The following ZNF492 variants were observed in gnomAD, a reference collection of about 807,000 sequenced individuals.
ZNF492 encodes zinc finger protein 492.
ZNF492 carries 3 observed loss-of-function variants against 6.4 expected under a neutral mutation model. The observed-to-expected ratio is 0.47, with a 90% CI of 0.21 to 1.22. The LOEUF (loss-of-function observed/expected upper bound fraction) is 1.22, where lower values mean the gene tolerates loss of function less well. Ranked by LOEUF, ZNF492 falls within the 50% of genes most tolerant of loss-of-function variation. The pLI, the probability that ZNF492 is intolerant of heterozygous loss-of-function variation, is 0.22. For synonymous variants in ZNF492, 112 were observed against 205.3 expected, an observed-to-expected ratio of 0.55 and a Z score of 3.89; for missense variants, 356 against 612.5, an observed-to-expected ratio of 0.58 and a Z score of 4.42.
intron 3 of ZNF492, among the ~76,000 whole-genome samples, chr19:22,661,427 G>C (rs1347079356): frequency 6.6e-6 from 1 of 151,776 alleles, no homozygotes; most frequent in Admixed American, 6.6e-5. Context: ...ATGAGATTTG[G>C]ACATCAAAAA....
intron 3 of ZNF492, among the ~76,000 whole-genome samples, chr19:22,657,674 A>G (rs2145258175): frequency 6.6e-6 from 1 of 152,116 alleles, no homozygotes; most frequent in East Asian, 1.9e-4. Flanking sequence ...GTTTCATATT[A>G]ACGCATTTTT....
rs548039023 is a variant in ZNF492, at chr19:22,663,839, A to T, written c.170A>T (p.Gln57Leu). 2 of 1,551,522 alleles carry T rather than the reference A, an allele frequency of 1.3e-6. No homozygotes were observed. Among genetic ancestry groups the T allele is most frequent in the African/African-American group, 2.8e-5 (2 of 71,658 alleles). The stretch of plus-strand genomic sequence containing the variant: ...TTTGCCCGAGACCTTTGGCCAAAGC[A>T]GGGCAAAAAAAATTATTTCCAAAAA... ...SYFARDLWPK[Q>L]GKKNYFQKVI... The change falls in exon 4 of 4, where the codon CAG becomes CTG. Residue 57 changes from glutamine to leucine, a missense_variant. Gln to Leu is a moderately radical substitution (Grantham distance 113). This residue lies in a region of ZNF492 where 196 missense variants were observed against 219.4 expected (regional missense o/e 0.89). Transcript: ENST00000456783.
chr19:22,643,142 C>T (rs1364548886), intron 1 of ZNF492, among the ~76,000 whole-genome samples: 4 of 152,022 alleles, frequency 2.6e-5, no homozygotes, highest in Non-Finnish European at 4.4e-5. Flanking sequence ...GGCATGGTGG[C>T]GCATGCCTGT....
At chr19:22,636,980 G>A (rs1379585328) in intron 1 of ZNF492, among the ~76,000 whole-genome samples, 3 of 130,434 alleles carry the variant, frequency 2.3e-5, no homozygotes, top group Admixed American at 8.1e-5. Flanking sequence ...TTTTTGAGAC[G>A]GAGTCTAGCT....
Position 22,651,067 on chromosome 19 carries a change from A to G in ZNF492, c.-93-2240A>G, listed in dbSNP as rs572265397. 4.6e-5 allele frequency among the ~76,000 whole-genome samples: 7 copies of G among 152,244 alleles called. No individual in the cohort carries two copies. In the East Asian group the frequency reaches 9.7e-4, roughly 21 times the overall value. On this transcript the variant is annotated intron_variant, in intron 1 of 3. Coordinates refer to ENST00000456783, the MANE Select transcript of ZNF492 (RefSeq NM_020855.3). ...GTTCACGAGTGAAATCTTTCAGTCT[A>G]TGGGTTGCACAATTCCATGGAAAAG...
Position 22,664,831 on chromosome 19 carries a change from A to T in ZNF492, c.1162A>T (p.Thr388Ser), listed in dbSNP as rs373819938. Residue 388 changes from threonine (T) to serine (S), a missense_variant, in exon 4 of 4, where the codon ACT (threonine) becomes TCT (serine). Thr to Ser is a moderately conservative substitution (Grantham distance 58). This residue lies in a region of ZNF492 where 21 missense variants were observed against 55.3 expected (regional missense o/e 0.38). Transcript: ENST00000456783. The stretch of plus-strand genomic sequence containing the variant: ...CCTTACTACACATAAGAGAATTCAT[A>T]CTGGAGAGAAGCCCTACAAATGTGA... ...SHLTTHKRIH[T>S]GEKPYKCEEC... 2.1e-5 allele frequency: 34 copies of T among 1,608,574 alleles called. No homozygotes were observed. Among genetic ancestry groups the T allele is most frequent in the East Asian group, 1.1e-4 (5 of 44,670 alleles).
In ZNF492 at chr19:22,653,268, C is replaced by T. The variant is rs1971960022; in HGVS notation, c.-93-39C>T. ...TCAAATTAAAAATTCTGTTCATGGC[C>T]ACTTGGTAAATATGTATGTGTGTTT... On this transcript the variant is annotated intron_variant, in intron 1 of 3. Transcript: ENST00000456783. 9 of 1,598,720 alleles carry T rather than the reference C, an allele frequency of 5.6e-6. No individual in the cohort carries two copies. In the South Asian group the frequency reaches 1.0e-4, roughly 18 times the overall value.
chr19:22,659,826 C>T lies in ZNF492; in HGVS notation c.131-3974C>T, dbSNP rs545390402. On this transcript the variant is annotated intron_variant, in intron 3 of 3. Coordinates refer to ENST00000456783, the MANE Select transcript of ZNF492 (RefSeq NM_020855.3). ...GATTACAGGTGCCCACCACCATGCCCGGCTAATTTTTGTATTTTTAGTAGA... is the reference window on the plus strand; with the variant it reads ...GATTACAGGTGCCCACCACCATGCCTGGCTAATTTTTGTATTTTTAGTAGA... Among the ~76,000 whole-genome samples, 8 of 151,748 alleles carry T rather than the reference C, an allele frequency of 5.3e-5. No homozygotes were observed. The South Asian group carries it at 1.0e-3, about 20-fold the overall frequency.
intron 1 of ZNF492, among the ~76,000 whole-genome samples, chr19:22,647,553 C>T (rs1292024391): frequency 3.3e-5 from 5 of 151,488 alleles, no homozygotes; most frequent in Non-Finnish European, 4.4e-5. Flanking sequence ...GGTGAGCCAC[C>T]ACGCCTGGCC....
rs1220084762 is a variant in ZNF492 at position 22,652,224 on chromosome 19, T to TC, written c.-93-1083_-93-1082insC. Among the ~76,000 whole-genome samples, 421 of 117,204 alleles carry TC rather than the reference T, an allele frequency of 3.6e-3. 37 individuals carry two copies. Among genetic ancestry groups the TC allele is most frequent in the African/African-American group, 0.012 (223 of 18,580 alleles). 76.9% of individuals were successfully genotyped at this position (117,204 alleles called of 152,430 possible). A position where few individuals can be genotyped will look rare whatever the true frequency, so the allele number is the denominator to read the frequency against. On this transcript the variant is annotated intron_variant, in intron 1 of 3. Transcript: ENST00000456783. ...CTGGCAGCTGACCTTTCTTAGGCTT[T>TC]TTTTTTTTTTTTTTGAGACGGAGTC...
rs1599405102 is a variant in ZNF492 at position 22,665,603 on chromosome 19, C to T, written c.*338C>T. On this transcript the variant is annotated 3_prime_UTR_variant, in exon 4 of 4. Coordinates refer to ENST00000456783, the MANE Select transcript of ZNF492 (RefSeq NM_020855.3). ...TGAAGACAAACATTACAAATATAAA[C>T]GAAGTTGTGGTAACTTTACTTGTAA... 1.6e-5 allele frequency: 4 copies of T among 245,740 alleles called. No homozygotes were observed. The highest frequency in any genetic ancestry group is 1.5e-4 in the Admixed American group (3 of 19,696). 15.2% of individuals were successfully genotyped at this position (245,740 alleles called of 1,614,324 possible).
chr19:22,645,278 C>T (rs549530272), intron 1 of ZNF492, among the ~76,000 whole-genome samples: 226 of 152,272 alleles, frequency 1.5e-3, no homozygotes, highest in African/African-American at 5.1e-3. Flanking sequence ...AACTCCATAC[C>T]TCAAACGATC....
At chr19:22,635,291 G>C (rs1316925037) in intron 1 of ZNF492, among the ~76,000 whole-genome samples, 1 of 152,118 alleles carries the variant, frequency 6.6e-6, no homozygotes, top group African/African-American at 2.4e-5. Flanking sequence ...GTCCCAAGCA[G>C]GTTCTCAAGT....
At chr19:22,640,442 G>A (rs1319399346) in intron 1 of ZNF492, among the ~76,000 whole-genome samples, 1 of 152,188 alleles carries the variant, frequency 6.6e-6, no homozygotes, top group Non-Finnish European at 1.5e-5. Context: ...GATTACAGGC[G>A]TGAGCCACCA....
At chr19:22,641,856 C>CAT (rs1270795188) in intron 1 of ZNF492, among the ~76,000 whole-genome samples, 21 of 151,878 alleles carry the variant, frequency 1.4e-4, no homozygotes, top group African/African-American at 3.6e-4. Flanking sequence ...TGCAGTGGGG[C>CAT]GATCTCGGCT....
intron 1 of ZNF492, among the ~76,000 whole-genome samples, chr19:22,646,055 AAG>A (rs1248126782): frequency 1.3e-5 from 2 of 152,084 alleles, no homozygotes; most frequent in Non-Finnish European, 2.9e-5. Context: ...TAATTCTGTG[AAG>A]AATGTGAATG....
chr19:22,654,013 C>T lies in ZNF492; in HGVS notation c.128C>T (p.Pro43Leu). The T allele has an allele frequency of 6.3e-7, 1 of 1,594,434 alleles. No homozygotes were observed. The highest frequency in any genetic ancestry group is 1.1e-5 in the South Asian group (1 of 87,058). The part of the protein sequence containing the change: ...VKRHEMVAEP[P>L]VVCSYFARDL... Reference sequence around the variant, plus strand: ...AGACATGAGATGGTAGCTGAACCCCCAGGTAGGTGAGAGTGAAAGTGAATA... The same window carrying T: ...AGACATGAGATGGTAGCTGAACCCCTAGGTAGGTGAGAGTGAAAGTGAATA... Residue 43 changes from proline (P) to leucine (L), a missense_variant and splice_region_variant, in exon 3 of 4, where the codon CCA becomes CTA. Pro to Leu is a moderately conservative substitution (Grantham distance 98). Transcript: ENST00000456783.
At chr19:22,662,107 T>C (rs965734045) in intron 3 of ZNF492, among the ~76,000 whole-genome samples, 7 of 152,040 alleles carry the variant, frequency 4.6e-5, no homozygotes, top group Non-Finnish European at 1.0e-4. Flanking sequence ...CGACAGGCCC[T>C]GTTGTGTGAT....
chr19:22,643,772 A>G (rs947610848), intron 1 of ZNF492, among the ~76,000 whole-genome samples: 6 of 152,108 alleles, frequency 3.9e-5, no homozygotes, highest in African/African-American at 1.4e-4. Flanking sequence ...TGTTATTTTA[A>G]TTAACTGCCT....
Sources: allele counts gnomAD v4.1 joint callset (sites outside exome capture counted in the v4.1 genomes callset), GRCh38; gene constraint gnomAD v4.1.1; regional missense constraint gnomAD v4.1.1; transcripts MANE v1.5; gene names NCBI Gene and HGNC (gene_info 2026-07-23, HGNC 2026-07-21).